Variants in GPM6A observed in about 807,000 individuals in gnomAD.
GPM6A encodes glycoprotein M6A.
GPM6A carries 7 observed loss-of-function variants against 32.1 expected under a neutral mutation model. The ratio of observed to expected loss-of-function variants is 0.22; its 90% CI spans 0.12 to 0.41. The LOEUF (loss-of-function observed/expected upper bound fraction) is 0.41, where lower values mean the gene tolerates loss of function less well. Ranked by LOEUF, GPM6A falls within the 10% of genes least tolerant of loss-of-function variation. The probability of loss-of-function intolerance (pLI) is 1.00; values close to 1 mark genes in which losing one functional copy is unlikely to be tolerated. For missense variants in GPM6A, 235 were observed against 347.2 expected (o/e 0.68, Z 2.57); for synonymous variants, 130 against 123.4 (o/e 1.05, Z -0.35).
chr4:175,959,082 G>A (rs890868978), intron 1 of GPM6A, among the ~76,000 whole-genome samples: 22 of 152,058 alleles, frequency 1.4e-4, no homozygotes, highest in African/African-American at 4.8e-4. Flanking sequence ...AATAGTAGAC[G>A]GAAGGAAAAC....
intron 1 of GPM6A, among the ~76,000 whole-genome samples, chr4:175,787,159 T>C (rs1733836329): frequency 6.6e-6 from 1 of 152,126 alleles, no homozygotes; most frequent in Non-Finnish European, 1.5e-5. Flanking sequence ...TTATGAAAGA[T>C]CAAACAACAC....
At chr4:175,704,175 T>G (rs926115619) in intron 1 of GPM6A, among the ~76,000 whole-genome samples, 10 of 152,132 alleles carry the variant, frequency 6.6e-5, no homozygotes, top group African/African-American at 2.4e-4. Flanking sequence ...TGAACTGGCC[T>G]TCTTGACAAT....
intron 4 of GPM6A, among the ~76,000 whole-genome samples, chr4:175,643,809 A>G (rs1741293597): frequency 6.6e-6 from 1 of 152,170 alleles, no homozygotes. Flanking sequence ...TCAAGCCTGC[A>G]CACTAAGAGG....
intron 1 of GPM6A, among the ~76,000 whole-genome samples, chr4:175,963,216 GA>G (rs1189754556): frequency 6.6e-6 from 1 of 151,778 alleles, no homozygotes; most frequent in African/African-American, 2.4e-5. Flanking sequence ...AAGAAGGAGG[GA>G]GAGAAAAGAA....
intron 1 of GPM6A, among the ~76,000 whole-genome samples, chr4:175,924,479 T>C (rs1361430134): frequency 2.0e-5 from 3 of 151,946 alleles, no homozygotes; most frequent in East Asian, 1.9e-4. Flanking sequence ...TGGGAAAGGA[T>C]AGGTGAGGTG....
chr4:175,670,545 C>T (rs1742998733), intron 3 of GPM6A, among the ~76,000 whole-genome samples: 1 of 152,146 alleles, frequency 6.6e-6, no homozygotes, highest in Non-Finnish European at 1.5e-5. Context: ...TGTATTTGTA[C>T]TCAATTTGGT....
chr4:175,892,884 C>T (rs533129146), intron 1 of GPM6A, among the ~76,000 whole-genome samples: 1 of 152,318 alleles, frequency 6.6e-6, no homozygotes, highest in African/African-American at 2.4e-5. Context: ...AGACTCAGAT[C>T]AGGACTGTGT....
At chr4:175,841,639 C>T (rs549253226) in intron 1 of GPM6A, among the ~76,000 whole-genome samples, 1 of 152,098 alleles carries the variant, frequency 6.6e-6, no homozygotes, top group Non-Finnish European at 1.5e-5. Context: ...GTTGTTGAAA[C>T]ATTCAGTCAA....
At chr4:175,757,662 G>C (rs963430072) in intron 1 of GPM6A, among the ~76,000 whole-genome samples, 1 of 152,074 alleles carries the variant, frequency 6.6e-6, no homozygotes, top group African/African-American at 2.4e-5. Flanking sequence ...ATCAGAGATT[G>C]GGTAAATTGG....
chr4:175,759,950 C>A (rs555926601), intron 1 of GPM6A, among the ~76,000 whole-genome samples: 2 of 152,164 alleles, frequency 1.3e-5, no homozygotes, highest in South Asian at 4.1e-4. Context: ...GAAGCCGAGA[C>A]AGGCAGATCA....
chr4:175,856,566 A>G (rs1480017211), intron 1 of GPM6A, among the ~76,000 whole-genome samples: 1 of 152,208 alleles, frequency 6.6e-6, no homozygotes, highest in Non-Finnish European at 1.5e-5. Context: ...AGTCAGTATG[A>G]TAGCCTTTTT....
At chr4:175,888,600 C>T (rs1054124888) in intron 1 of GPM6A, among the ~76,000 whole-genome samples, 1 of 152,014 alleles carries the variant, frequency 6.6e-6, no homozygotes, top group Non-Finnish European at 1.5e-5. Context: ...TAATATGTAA[C>T]ATATTTAATA....
At chr4:175,961,997 A>C (rs1171253530) in intron 1 of GPM6A, 1 of 558,304 alleles carries the variant, frequency 1.8e-6, no homozygotes, top group African/African-American at 1.9e-5. Context: ...TTGTATATTA[A>C]CAGGGGAGCA....
At chr4:175,768,032 T>C (rs536899187) in intron 1 of GPM6A, among the ~76,000 whole-genome samples, 1 of 152,288 alleles carries the variant, frequency 6.6e-6, no homozygotes, top group South Asian at 2.1e-4. Context: ...CAGATAGTAG[T>C]TCACCCCTAA....
chr4:175,840,722 G>A (rs1414112896), intron 1 of GPM6A, among the ~76,000 whole-genome samples: 1 of 147,104 alleles, frequency 6.8e-6, no homozygotes, highest in Non-Finnish European at 1.5e-5. Context: ...ATAGAGGCAA[G>A]GAAGTGAAGA....
chr4:175,708,820 CT>C (rs1383877140), intron 1 of GPM6A, among the ~76,000 whole-genome samples: 1 of 152,020 alleles, frequency 6.6e-6, no homozygotes, highest in Non-Finnish European at 1.5e-5. Context: ...CAAATTTTTG[CT>C]TTCTTGTTTT....
chr4:175,730,377 G>A (rs1036206211), intron 1 of GPM6A, among the ~76,000 whole-genome samples: 4 of 151,870 alleles, frequency 2.6e-5, no homozygotes, highest in Non-Finnish European at 5.9e-5. Flanking sequence ...CGAGTAGCTG[G>A]GACTACAGGC....
intron 1 of GPM6A, among the ~76,000 whole-genome samples, chr4:175,775,868 A>G (rs1469072148): frequency 6.6e-6 from 1 of 152,182 alleles, no homozygotes; most frequent in Non-Finnish European, 1.5e-5. Context: ...CCAAGTTATA[A>G]TCTATAAATC....
intron 1 of GPM6A, among the ~76,000 whole-genome samples, chr4:175,965,386 A>T (rs1267697763): frequency 6.6e-6 from 1 of 152,148 alleles, no homozygotes; most frequent in East Asian, 1.9e-4. Flanking sequence ...AAAACTAGAA[A>T]AAAAAGAGCA....
Sources: gnomAD v4.1 joint callset for allele counts (sites outside exome capture counted in the v4.1 genomes callset) on GRCh38, gnomAD v4.1.1 for gene constraint, MANE v1.5 for transcripts, NCBI Gene and HGNC (gene_info 2026-07-23, HGNC 2026-07-21) for gene names.